The following SALL4 variants were observed in gnomAD, a reference collection of about 807,000 sequenced individuals.
The protein encoded by SALL4 is sal-like protein 4.
In SALL4, 4 loss-of-function variants were observed where a neutral mutation model predicts 60.8. The ratio of observed to expected loss-of-function variants is 0.07; its 90% CI spans 0.03 to 0.15. The LOEUF (loss-of-function observed/expected upper bound fraction) is 0.15. Ranked by LOEUF, SALL4 falls within the 10% of genes least tolerant of loss-of-function variation. SALL4 has a pLI of 1.00. For synonymous variants in SALL4, 580 were observed against 574.9 expected, an observed-to-expected ratio of 1.01 and a Z score of -0.13; for missense variants, 1,178 against 1,394.7, an observed-to-expected ratio of 0.84 and a Z score of 2.48.
chr20:51,802,126 G>A (rs2078114183), intron 1 of SALL4, among the ~76,000 whole-genome samples, 153 bp downstream of exon 1: 1 of 152,090 alleles, frequency 6.6e-6, no homozygotes, highest in South Asian at 2.1e-4. Flanking sequence ...GGTGGGGAGA[G>A]GAGGAGACCT....
chr20:51,784,707 T>C, intron 3 of SALL4, 23 bp from the exon 4 acceptor site: 1 of 1,613,834 alleles, frequency 6.2e-7, no homozygotes, highest in Non-Finnish European at 8.5e-7. Context: ...GACAGAAAGG[T>C]TTTTACCAAA....
In SALL4 at chr20:51,790,103, G is replaced by C; in HGVS notation, c.2380C>G (p.Gln794Glu). 2 of 1,614,182 alleles carry C rather than the reference G, an allele frequency of 1.2e-6. No individual in the cohort carries two copies. Among genetic ancestry groups the C allele is most frequent in the South Asian group, 1.1e-5 (1 of 91,072 alleles). Residue 794 changes from glutamine to glutamate, a missense_variant, in exon 2 of 4, where the codon CAA (glutamine) becomes GAA (glutamate). Around this residue, in one of 5 missense-constraint regions of SALL4, gnomAD observed 853 missense variants for 1,036.8 expected, o/e 0.82. Coordinates refer to ENST00000217086, the MANE Select transcript of SALL4 (RefSeq NM_020436.5). The surrounding 1 kb of genome is among the most constrained non-coding windows in gnomAD (Gnocchi z 5.5). ...SFQALSPANSQAESIKSKSPD... is the reference protein window; with the variant it reads ...SFQALSPANSEAESIKSKSPD... ...GACTTTGACTTGATGCTTTCGGCTTGACTATTGGCCGGGGAGAGTGCCTGG... is the reference window on the plus strand; with the variant it reads ...GACTTTGACTTGATGCTTTCGGCTTCACTATTGGCCGGGGAGAGTGCCTGG...
At chr20:51,785,270 C>T (rs1325706493) in intron 3 of SALL4, among the ~76,000 whole-genome samples, 2 of 151,916 alleles carry the variant, frequency 1.3e-5, no homozygotes, top group African/African-American at 4.8e-5. Context: ...CACTGCACTC[C>T]AGCCTGGGTG....
chr20:51,798,150 T>C (rs1043167800), intron 1 of SALL4, among the ~76,000 whole-genome samples: 15 of 152,200 alleles, frequency 9.9e-5, no homozygotes, highest in Non-Finnish European at 2.1e-4. Flanking sequence ...TTCAACTCAA[T>C]TCATAGAAGG....
chr20:51,789,213 G>A, intron 2 of SALL4, 72 bp from the exon 3 acceptor site: 1 of 1,556,928 alleles, frequency 6.4e-7, no homozygotes, highest in Non-Finnish European at 8.7e-7. Flanking sequence ...AAGCAAAAGA[G>A]ATCTTTAAAA....
chr20:51,791,130 G>T lies in SALL4; in HGVS notation c.1353C>A (p.Ala451=). ...LFAEFQDKVA[A]GNGIPYALSV... ...AGAGTGCATAGGGGATGCCATTGCCGGCCGCCACTTTGTCCTGGAACTCGG... is the reference window on the plus strand; with the variant it reads ...AGAGTGCATAGGGGATGCCATTGCCTGCCGCCACTTTGTCCTGGAACTCGG... Residue 451 remains alanine, a synonymous_variant, in exon 2 of 4, where the codon GCC becomes GCA. Coordinates refer to ENST00000217086, the MANE Select transcript of SALL4 (RefSeq NM_020436.5). The surrounding 1 kb of genome is among the most constrained non-coding windows in gnomAD (Gnocchi z 4.6). The T allele has an allele frequency of 1.2e-6, 2 of 1,614,120 alleles. No homozygotes were observed. Among genetic ancestry groups the T allele is most frequent in the South Asian group, 2.2e-5 (2 of 91,080 alleles).
chr20:51,799,620 C>CA (rs2078098367), intron 1 of SALL4, among the ~76,000 whole-genome samples: 1 of 152,194 alleles, frequency 6.6e-6, no homozygotes, highest in African/African-American at 2.4e-5. Context: ...GAAAGTTGAC[C>CA]TGAAACGTTA....
rs77810153 is a variant in SALL4 at position 51,791,370 on chromosome 20, G to C, written c.1113C>G (p.Val371=). 586 of 1,614,090 alleles carry C rather than the reference G, an allele frequency of 3.6e-4. 3 individuals are homozygous for C. The highest frequency in any genetic ancestry group is 4.5e-4 in the Non-Finnish European group (535 of 1,180,048). ...AGAGGGCCGCCTCGTCTTTGGGTTT[G>C]ACATCCACCGCGGAGATGTTCGGTG... ...GKPPNISAVD[V]KPKDEAALYK... The change falls in exon 2 of 4, where the codon GTC becomes GTG. Residue 371 remains valine, a synonymous_variant. Coordinates refer to ENST00000217086, the MANE Select transcript of SALL4 (RefSeq NM_020436.5). The surrounding 1 kb of genome is among the most constrained non-coding windows in gnomAD (Gnocchi z 4.6).
chr20:51,784,254 C>A lies in SALL4; in HGVS notation c.*11G>T. ...CTGTGTCTGCATTGCTCCTTCCACG[C>A]AAGTTCTCCCTTAGCTGACCGCAAT... On this transcript the variant is annotated 3_prime_UTR_variant, in exon 4 of 4. Transcript: ENST00000217086. 6.2e-7 allele frequency: 1 copy of A among 1,613,240 alleles called. No homozygotes were observed. Among genetic ancestry groups the A allele is most frequent in the Non-Finnish European group, 8.5e-7 (1 of 1,180,004 alleles).
At chr20:51,802,219 A>C in intron 1 of SALL4, 60 bp downstream of exon 1, 1 of 1,525,386 alleles carries the variant, frequency 6.6e-7, no homozygotes, top group South Asian at 1.3e-5. Context: ...TGCGCCCTCG[A>C]GGATCCCGCG....
chr20:51,786,007 C>A (rs913647961), intron 3 of SALL4, among the ~76,000 whole-genome samples: 3 of 151,588 alleles, frequency 2.0e-5, no homozygotes, highest in African/African-American at 7.3e-5. Context: ...GCAGCCTCAA[C>A]CTCCAAGGCT....
chr20:51,787,604 C>A (rs916509862), intron 3 of SALL4, among the ~76,000 whole-genome samples: 1 of 152,108 alleles, frequency 6.6e-6, no homozygotes, highest in African/African-American at 2.4e-5. Flanking sequence ...TGGCTGCTTT[C>A]TTTAATTATT....
intron 1 of SALL4, among the ~76,000 whole-genome samples, chr20:51,799,781 A>T (rs1428564162): frequency 2.0e-5 from 3 of 152,122 alleles, no homozygotes; most frequent in Admixed American, 6.6e-5. Context: ...GAAAATGCTA[A>T]TTTTTCCTGT....
intron 1 of SALL4, among the ~76,000 whole-genome samples, chr20:51,795,327 A>G (rs1450024844): frequency 6.6e-6 from 1 of 152,128 alleles, no homozygotes; most frequent in Non-Finnish European, 1.5e-5. Flanking sequence ...GAATGGCGTG[A>G]ACCCGGGAGG....
intron 1 of SALL4, 22 bp downstream of exon 1, chr20:51,802,257 C>G: frequency 1.3e-6 from 2 of 1,575,436 alleles, no homozygotes; most frequent in Non-Finnish European, 1.7e-6. Context: ...CCTCCCCGGG[C>G]GGGCGCCCCA....
At chr20:51,787,286 T>G (rs2077999726) in intron 3 of SALL4, among the ~76,000 whole-genome samples, 1 of 151,800 alleles carries the variant, frequency 6.6e-6, no homozygotes, top group Non-Finnish European at 1.5e-5. Context: ...TAGCCGGGCA[T>G]GATGGCGGGC....
At chr20:51,789,748 T>C (rs901768213) in intron 2 of SALL4, among the ~76,000 whole-genome samples, 3 of 152,136 alleles carry the variant, frequency 2.0e-5, no homozygotes, top group African/African-American at 7.2e-5. Context: ...TACCCACCCC[T>C]ATGTCCCAAG....
chr20:51,784,253 G>T lies in SALL4; in HGVS notation c.*12C>A. On this transcript the variant is annotated 3_prime_UTR_variant, in exon 4 of 4. Coordinates refer to ENST00000217086, the MANE Select transcript of SALL4 (RefSeq NM_020436.5). Reference sequence around the variant, plus strand: ...ACTGTGTCTGCATTGCTCCTTCCACGCAAGTTCTCCCTTAGCTGACCGCAA... The same window carrying T: ...ACTGTGTCTGCATTGCTCCTTCCACTCAAGTTCTCCCTTAGCTGACCGCAA... 1 of 1,613,084 alleles carries T rather than the reference G, an allele frequency of 6.2e-7. No individual in the cohort carries two copies. The highest frequency in any genetic ancestry group is 1.1e-5 in the South Asian group (1 of 91,038).
intron 2 of SALL4, among the ~76,000 whole-genome samples, 176 bp downstream of exon 2, chr20:51,789,846 C>T (rs1266529275): frequency 1.3e-5 from 2 of 152,266 alleles, no homozygotes; most frequent in Non-Finnish European, 2.9e-5. Context: ...AAAGCATGTT[C>T]GTTACTAGGA....
Sources: gnomAD v4.1 joint callset for allele counts (sites outside exome capture counted in the v4.1 genomes callset) on GRCh38, gnomAD v4.1.1 for gene constraint, gnomAD v4.1.1 regional missense constraint, Gnocchi (gnomAD v3.1) non-coding constraint, MANE v1.5 for transcripts, NCBI Gene and HGNC (gene_info 2026-07-23, HGNC 2026-07-21) for gene names.